Variants in TRIM35 observed in about 807,000 individuals in gnomAD.
TRIM35 encodes the protein tripartite motif containing 35.
TRIM35 carries 37 observed loss-of-function variants against 49.1 expected under a neutral mutation model. The observed-to-expected ratio is 0.75, with a 90% CI of 0.58 to 0.99. The LOEUF (loss-of-function observed/expected upper bound fraction) is 0.99, where lower values mean the gene tolerates loss of function less well. Among genes scored for constraint, TRIM35 ranks in the 50% least tolerant of loss-of-function variants. The probability of loss-of-function intolerance (pLI) is 0.00; values close to 1 mark genes in which losing one functional copy is unlikely to be tolerated. For missense variants in TRIM35, 648 were observed against 702.7 expected (o/e 0.92, Z 0.88); for synonymous variants, 302 against 289.3 (o/e 1.04, Z -0.45).
In TRIM35 at chr8:27,294,330, G is replaced by T. The variant is rs920987196; in HGVS notation, c.532-20C>A. 3.2e-5 allele frequency: 52 copies of T among 1,607,640 alleles called. No individual in the cohort carries two copies. Among genetic ancestry groups the T allele is most frequent in the Non-Finnish European group, 4.1e-5 (48 of 1,177,234 alleles). On this transcript the variant is annotated intron_variant, in intron 2 of 5. Transcript: ENST00000305364. ...CTCCACCTACGGAAGACAGCAGGAG[G>T]AGTCAGGGGTCAGATGTGGAGAGGA...
Position 27,289,203 on chromosome 8 carries a change from T to C in TRIM35, c.863A>G (p.Gln288Arg). 1 of 1,614,136 alleles carries C rather than the reference T, an allele frequency of 6.2e-7. No individual in the cohort carries two copies. Among genetic ancestry groups the C allele is most frequent in the Non-Finnish European group, 8.5e-7 (1 of 1,179,994 alleles). ...IDVCKYLGSL[Q>R]YRVWKKMLAS... is the part of the protein sequence containing the mutation. ...AAGCATCTTCTTCCAGACGCGGTAC[T>C]GCAGGGAGCCCAGGTACTTGCAGAC... The change falls in exon 5 of 6, where the codon CAG becomes CGG. Residue 288 changes from glutamine (Q) to arginine (R), a missense_variant. By Grantham distance (43) the Gln-to-Arg change is conservative (BLOSUM62 1). Transcript: ENST00000305364.
chr8:27,294,323 G>A lies in TRIM35; in HGVS notation c.532-13C>T. The stretch of plus-strand genomic sequence containing the variant: ...ATGCAGCCTCCACCTACGGAAGACA[G>A]CAGGAGGAGTCAGGGGTCAGATGTG... On this transcript the variant is annotated splice_polypyrimidine_tract_variant and intron_variant, in intron 2 of 5. Transcript: ENST00000305364. 1 of 1,610,044 alleles carries A rather than the reference G, an allele frequency of 6.2e-7. No homozygotes were observed. The highest frequency in any genetic ancestry group is 2.2e-5 in the East Asian group (1 of 44,842).
chr8:27,287,153 G>GT lies in TRIM35; in HGVS notation c.*396dup, dbSNP rs1177254335. ...CTATGTGGCCCCTCCTCTCAGAACC[G>GT]TAAGTAACAAACTCTCCTTTCCATG... On this transcript the variant is annotated 3_prime_UTR_variant, in exon 6 of 6. Coordinates refer to ENST00000305364, the MANE Select transcript of TRIM35 (RefSeq NM_171982.5). The surrounding 1 kb of genome is among the most constrained non-coding windows in gnomAD (Gnocchi z 6.0). 1.7e-5 allele frequency: 3 copies of GT among 171,564 alleles called. No homozygotes were observed. Among genetic ancestry groups the GT allele is most frequent in the African/African-American group, 7.2e-5 (3 of 41,870 alleles). The allele number at this position is 171,564 out of a possible 1,614,324, so 10.6% of individuals were successfully genotyped here.
At position 27,294,124 on chromosome 8, in the gene TRIM35, G is replaced by A. The variant is rs1288201067; in HGVS notation, c.718C>T (p.Arg240Trp). Residue 240 changes from arginine to tryptophan, a missense_variant, in exon 3 of 6, where the codon CGG (arginine) becomes TGG (tryptophan). Physicochemically the swap from Arg to Trp is moderately radical, Grantham distance 101 (BLOSUM62 -3). Coordinates refer to ENST00000305364, the MANE Select transcript of TRIM35 (RefSeq NM_171982.5). ...ETEVLAHEIERLQMEMKEDDV... is the reference protein window; with the variant it reads ...ETEVLAHEIEWLQMEMKEDDV... ...TCCTCCTTCATCTCCATCTGCAGCC[G>A]CTCGATCTCATGTGCCAGCACCTCC... 1.4e-5 allele frequency: 22 copies of A among 1,614,164 alleles called. No individual in the cohort carries two copies. The highest frequency in any genetic ancestry group is 3.3e-5 in the Admixed American group (2 of 60,026).
intron 1 of TRIM35, among the ~76,000 whole-genome samples, chr8:27,310,122 G>A (rs1259126134): frequency 6.6e-6 from 1 of 152,132 alleles, no homozygotes; most frequent in Admixed American, 6.5e-5. Flanking sequence ...AAGATTAAAC[G>A]TTTTGGAAAA....
intron 4 of TRIM35, 55 bp downstream of exon 4, chr8:27,290,101 C>T (rs1229147585): frequency 1.4e-5 from 23 of 1,611,144 alleles, no homozygotes; most frequent in Non-Finnish European, 1.9e-5. Flanking sequence ...GGAGTTTGCA[C>T]CCCTGGTATT....
intron 3 of TRIM35, among the ~76,000 whole-genome samples, chr8:27,290,698 T>C (rs1399692758): frequency 1.3e-5 from 2 of 152,224 alleles, no homozygotes; most frequent in African/African-American, 4.8e-5. Context: ...ACTCCTTAAG[T>C]TGATCTACTG....
intron 3 of TRIM35, 91 bp from the exon 4 acceptor site, chr8:27,290,269 T>A: frequency 8.0e-7 from 1 of 1,251,910 alleles, no homozygotes; most frequent in African/African-American, 1.5e-5. Flanking sequence ...ATGCATTCCA[T>A]GGATCATAAG....
chr8:27,310,992 G>A lies in TRIM35; in HGVS notation c.244C>T (p.Leu82=). Reference sequence around the variant, plus strand: ...GCGCCCTCGGCCTCCTCGCGCAGCAGCTTCTCCACCAGGTTGTTGAGGGTG... The same window carrying A: ...GCGCCCTCGGCCTCCTCGCGCAGCAACTTCTCCACCAGGTTGTTGAGGGTG... The part of the protein sequence containing the change: ...NHTLNNLVEK[L]LREEAEGARW... Residue 82 remains leucine, a synonymous_variant, in exon 1 of 6, where the codon CTG becomes TTG. Coordinates refer to ENST00000305364, the MANE Select transcript of TRIM35 (RefSeq NM_171982.5). 2 of 1,612,042 alleles carry A rather than the reference G, an allele frequency of 1.2e-6. No individual in the cohort carries two copies. The highest frequency in any genetic ancestry group is 2.2e-5 in the East Asian group (1 of 44,820).
At chr8:27,308,528 G>A (rs576558666) in intron 1 of TRIM35, among the ~76,000 whole-genome samples, 4 of 152,270 alleles carry the variant, frequency 2.6e-5, no homozygotes, top group Admixed American at 6.5e-5. Context: ...ACCAAGTGGT[G>A]GAGGGAATCT....
chr8:27,304,865 C>T (rs1383198606), intron 1 of TRIM35: 1 of 449,088 alleles, frequency 2.2e-6, no homozygotes, highest in Admixed American at 2.5e-5. Context: ...GGCTATCAGG[C>T]TCCTCACCTT....
chr8:27,301,205 T>G (rs1307457767), intron 1 of TRIM35, among the ~76,000 whole-genome samples: 1 of 152,244 alleles, frequency 6.6e-6, no homozygotes, highest in Non-Finnish European at 1.5e-5. Flanking sequence ...TTATGCACTT[T>G]ACAAACATTC....
At chr8:27,290,982 A>G (rs1328614718) in intron 3 of TRIM35, among the ~76,000 whole-genome samples, 1 of 151,734 alleles carries the variant, frequency 6.6e-6, no homozygotes, top group Non-Finnish European at 1.5e-5. Context: ...TCAATTATTT[A>G]CAATAGTGCC....
chr8:27,287,458 G>A lies in TRIM35; in HGVS notation c.*92C>T, dbSNP rs1045741551. Reference sequence around the variant, plus strand: ...GAGGAAGAGCCTGGCAAGGAGGCAGGGGCGCAATAGTGCCCAAGCAGTGTG... The same window carrying A: ...GAGGAAGAGCCTGGCAAGGAGGCAGAGGCGCAATAGTGCCCAAGCAGTGTG... On this transcript the variant is annotated 3_prime_UTR_variant, in exon 6 of 6. Transcript: ENST00000305364. The surrounding 1 kb of genome is among the most constrained non-coding windows in gnomAD (Gnocchi z 6.0). 28 of 1,326,618 alleles carry A rather than the reference G, an allele frequency of 2.1e-5. No individual in the cohort carries two copies. The highest frequency in any genetic ancestry group is 1.3e-4 in the East Asian group (5 of 39,584). The allele number at this position is 1,326,618 out of a possible 1,614,324, so 82.2% of individuals were successfully genotyped here.
intron 1 of TRIM35, among the ~76,000 whole-genome samples, chr8:27,300,718 GA>G (rs1410980056): frequency 6.6e-6 from 1 of 152,160 alleles, no homozygotes; most frequent in Non-Finnish European, 1.5e-5. Flanking sequence ...CAATATTTAA[GA>G]TTTTTAAACT....
At chr8:27,301,370 G>T (rs1173907356) in intron 1 of TRIM35, among the ~76,000 whole-genome samples, 1 of 152,152 alleles carries the variant, frequency 6.6e-6, no homozygotes, top group South Asian at 2.1e-4. Flanking sequence ...ATATATTCCT[G>T]GGGATAAAAC....
intron 1 of TRIM35, among the ~76,000 whole-genome samples, chr8:27,303,084 A>C (rs1034324062): frequency 6.6e-6 from 1 of 152,204 alleles, no homozygotes; most frequent in African/African-American, 2.4e-5. Context: ...GATATACTTA[A>C]TCAAACTAAT....
At chr8:27,295,602 C>T (rs990464449) in intron 2 of TRIM35, among the ~76,000 whole-genome samples, 6 of 152,220 alleles carry the variant, frequency 3.9e-5, no homozygotes, top group Non-Finnish European at 8.8e-5. Flanking sequence ...AATCATCCAA[C>T]ACAAAGCCTA....
At chr8:27,299,594 T>A (rs1473578020) in intron 1 of TRIM35, among the ~76,000 whole-genome samples, 4 of 152,216 alleles carry the variant, frequency 2.6e-5, no homozygotes, top group African/African-American at 9.7e-5. Context: ...TGGAGGCAGC[T>A]GCTGAGACAG....
Sources: gnomAD v4.1 joint callset for allele counts (sites outside exome capture counted in the v4.1 genomes callset) on GRCh38, gnomAD v4.1.1 for gene constraint, Gnocchi (gnomAD v3.1) non-coding constraint, MANE v1.5 for transcripts, NCBI Gene and HGNC (gene_info 2026-07-23, HGNC 2026-07-21) for gene names.